Variants in PRKG2 observed in about 807,000 individuals in gnomAD.
PRKG2 encodes protein kinase cGMP-dependent 2, also known as cGMP-dependent protein kinase 2.
In PRKG2, 33 loss-of-function variants were observed where a neutral mutation model predicts 97.2. That is an observed-to-expected ratio of 0.34 (90% CI 0.26 to 0.45). PRKG2 has a LOEUF of 0.45. Among genes scored for constraint, PRKG2 ranks in the 20% least tolerant of loss-of-function variants. The probability of loss-of-function intolerance (pLI) is 1.00; values close to 1 mark genes in which losing one functional copy is unlikely to be tolerated. For synonymous variants in PRKG2, 330 were observed against 321.8 expected (o/e 1.03, Z -0.27); for missense variants, 638 against 900.0 (o/e 0.71, Z 3.73).
At chr4:81,106,854 G>T (rs764390332) in intron 15 of PRKG2, among the ~76,000 whole-genome samples, 11 of 152,200 alleles carry the variant, frequency 7.2e-5, no homozygotes, top group Admixed American at 5.9e-4. Flanking sequence ...TTTTGGCCAT[G>T]TGAGGATACA....
intron 6 of PRKG2, among the ~76,000 whole-genome samples, chr4:81,159,956 T>C (rs1019871136): frequency 1.2e-4 from 13 of 108,376 alleles, no homozygotes; most frequent in African/African-American, 4.7e-4. Flanking sequence ...CTGGGGACCA[T>C]TGTGGGGTGG....
At chr4:81,160,282 A>C (rs1749503732) in intron 6 of PRKG2, among the ~76,000 whole-genome samples, 1 of 152,150 alleles carries the variant, frequency 6.6e-6, no homozygotes, top group Non-Finnish European at 1.5e-5. Flanking sequence ...AGCTTTTCTT[A>C]CATTGCAGTC....
chr4:81,157,199 A>T (rs1274989907), intron 6 of PRKG2, among the ~76,000 whole-genome samples: 1 of 152,140 alleles, frequency 6.6e-6, no homozygotes, highest in Non-Finnish European at 1.5e-5. Flanking sequence ...TAATAAAGAA[A>T]AAAAGAGAGA....
At position 81,205,134 on chromosome 4, in the gene PRKG2, C is replaced by T. The variant is rs536710938; in HGVS notation, c.-13-74G>A. On this transcript the variant is annotated intron_variant, in intron 1 of 18. Coordinates refer to ENST00000264399, the MANE Select transcript of PRKG2 (RefSeq NM_006259.3). ...ACAGTCCCCACCATTCCTCTCATTC[C>T]TATCTTGTTTCATAAATAGGAACAC... The T allele has an allele frequency of 2.9e-5, 27 of 927,326 alleles. No homozygotes were observed. The African/African-American group carries it at 4.0e-4, about 14-fold the overall frequency. 57.4% of individuals were successfully genotyped at this position (927,326 alleles called of 1,614,324 possible). A position where few individuals can be genotyped will look rare whatever the true frequency, so the allele number is the denominator to read the frequency against.
At chr4:81,102,625 T>C (rs1011862695) in intron 17 of PRKG2, among the ~76,000 whole-genome samples, 1 of 152,188 alleles carries the variant, frequency 6.6e-6, no homozygotes, top group Non-Finnish European at 1.5e-5. Context: ...AAAATCTACA[T>C]GTGTCTTTAT....
At chr4:81,099,110 T>C (rs1281254505) in intron 17 of PRKG2, among the ~76,000 whole-genome samples, 1 of 152,180 alleles carries the variant, frequency 6.6e-6, no homozygotes, top group Admixed American at 6.6e-5. Flanking sequence ...TTGGGAGACA[T>C]GACTGGTGCC....
intron 1 of PRKG2, 144 bp from the exon 2 acceptor site, chr4:81,205,204 C>T: frequency 1.8e-6 from 1 of 547,678 alleles, no homozygotes; most frequent in Middle Eastern, 4.8e-4. Flanking sequence ...CCGAAGTTTC[C>T]AGAAAAAAAA....
intron 2 of PRKG2, among the ~76,000 whole-genome samples, chr4:81,194,189 T>A (rs1030190332): frequency 6.6e-6 from 1 of 152,148 alleles, no homozygotes; most frequent in Non-Finnish European, 1.5e-5. Context: ...ACTTAATACC[T>A]AGAACTGTAT....
At chr4:81,186,797 A>G (rs1227686996) in intron 2 of PRKG2, among the ~76,000 whole-genome samples, 1 of 152,214 alleles carries the variant, frequency 6.6e-6, no homozygotes, top group South Asian at 2.1e-4. Context: ...GGGGATATCA[A>G]CACTGATCCC....
intron 2 of PRKG2, among the ~76,000 whole-genome samples, chr4:81,198,531 A>G (rs1173143490): frequency 6.6e-6 from 1 of 152,008 alleles, no homozygotes; most frequent in Non-Finnish European, 1.5e-5. Flanking sequence ...GCCTGGTTAT[A>G]CAACCCCAAG....
At chr4:81,159,429 G>T (rs1301821742) in intron 6 of PRKG2, among the ~76,000 whole-genome samples, 1 of 152,204 alleles carries the variant, frequency 6.6e-6, no homozygotes, top group East Asian at 1.9e-4. Context: ...ACACCAGTTA[G>T]AATGGCAATC....
At chr4:81,144,689 T>C (rs933982123) in intron 9 of PRKG2, among the ~76,000 whole-genome samples, 4 of 151,178 alleles carry the variant, frequency 2.6e-5, no homozygotes, top group Admixed American at 6.6e-5. Context: ...ACATGTGCCA[T>C]GCTGGTGTGC....
chr4:81,122,041 T>C (rs1745118110), intron 14 of PRKG2, among the ~76,000 whole-genome samples: 1 of 152,224 alleles, frequency 6.6e-6, no homozygotes, highest in Non-Finnish European at 1.5e-5. Context: ...ATTACTCACA[T>C]GAGTTAATAC....
chr4:81,196,044 C>T (rs1752940693), intron 2 of PRKG2, among the ~76,000 whole-genome samples: 3 of 152,208 alleles, frequency 2.0e-5, no homozygotes, highest in Admixed American at 1.3e-4. Context: ...AGGGCTTATC[C>T]AGCTGAGTCT....
At chr4:81,095,577 C>G (rs976866766) in intron 17 of PRKG2, among the ~76,000 whole-genome samples, 5 of 152,214 alleles carry the variant, frequency 3.3e-5, no homozygotes, top group Non-Finnish European at 4.4e-5. Flanking sequence ...TACAATCTGA[C>G]TTATCACAGT....
At chr4:81,144,197 T>G (rs1330589277) in intron 10 of PRKG2, 35 bp downstream of exon 10, 2 of 1,552,238 alleles carry the variant, frequency 1.3e-6, no homozygotes, top group East Asian at 4.5e-5. Context: ...CTGCCAGAAG[T>G]CAGCTCCGGC....
At chr4:81,158,375 C>T (rs1481533016) in intron 6 of PRKG2, among the ~76,000 whole-genome samples, 1 of 145,472 alleles carries the variant, frequency 6.9e-6, no homozygotes, top group Non-Finnish European at 1.5e-5. Flanking sequence ...ACTTACAAGG[C>T]ATGTGAAGGA....
At chr4:81,128,189 T>G (rs1273993859) in intron 14 of PRKG2, among the ~76,000 whole-genome samples, 1 of 152,206 alleles carries the variant, frequency 6.6e-6, no homozygotes, top group Non-Finnish European at 1.5e-5. Context: ...GCTGACTTGA[T>G]CGTGGTGGAT....
At chr4:81,186,674 A>G (rs923082765) in intron 2 of PRKG2, among the ~76,000 whole-genome samples, 9 of 152,192 alleles carry the variant, frequency 5.9e-5, no homozygotes, top group Admixed American at 5.9e-4. Flanking sequence ...AAAAAAATCA[A>G]TGAATCCAGA....
Sources: gnomAD v4.1 joint callset for allele counts (sites outside exome capture counted in the v4.1 genomes callset) on GRCh38, gnomAD v4.1.1 for gene constraint, MANE v1.5 for transcripts, NCBI Gene and HGNC (gene_info 2026-07-23, HGNC 2026-07-21) for gene names.